Variants in NRCAM observed in about 807,000 individuals in gnomAD.
NRCAM encodes neuronal cell adhesion molecule.
NRCAM carries 83 observed loss-of-function variants against 156.5 expected under a neutral mutation model. The observed-to-expected ratio is 0.53, with a 90% CI of 0.44 to 0.64. The LOEUF (loss-of-function observed/expected upper bound fraction) is 0.64, where lower values mean the gene tolerates loss of function less well. NRCAM is among the 30% of genes least tolerant of loss of function. NRCAM has a pLI of 0.00. For missense variants in NRCAM, 1,417 were observed against 1,597.3 expected, an observed-to-expected ratio of 0.89 and a Z score of 1.92; for synonymous variants, 538 against 563.9, an observed-to-expected ratio of 0.95 and a Z score of 0.65.
At chr7:108,153,720 A>T (rs1204279323) in intron 32 of NRCAM, among the ~76,000 whole-genome samples, 1 of 152,168 alleles carries the variant, frequency 6.6e-6, no homozygotes, top group Non-Finnish European at 1.5e-5. Flanking sequence ...GTTAGAATAT[A>T]AAGAGATTTT....
At chr7:108,410,135 T>C (rs1377083221) in intron 1 of NRCAM, among the ~76,000 whole-genome samples, 1 of 152,242 alleles carries the variant, frequency 6.6e-6, no homozygotes, top group Non-Finnish European at 1.5e-5. Flanking sequence ...TTAGTACAAC[T>C]GCTGCAACTG....
intron 3 of NRCAM, among the ~76,000 whole-genome samples, chr7:108,272,363 T>C (rs904800947): frequency 1.3e-5 from 2 of 152,222 alleles, no homozygotes. Flanking sequence ...GGGCAGTAAC[T>C]GCTCTTTGCT....
chr7:108,297,612 C>T (rs1269229258), intron 3 of NRCAM, among the ~76,000 whole-genome samples: 2 of 152,006 alleles, frequency 1.3e-5, no homozygotes, highest in African/African-American at 2.4e-5. Context: ...TGCTGGGATA[C>T]ATTCATGAAC....
chr7:108,313,690 A>G (rs964619902), intron 2 of NRCAM, among the ~76,000 whole-genome samples: 1 of 152,212 alleles, frequency 6.6e-6, no homozygotes, highest in Non-Finnish European at 1.5e-5. Flanking sequence ...ATAGATTTTC[A>G]TTGCATGTGA....
rs188100296 is a variant in NRCAM, at chr7:108,178,293, T to C, written c.2852-181A>G. ...CACCCATTTAGTTATTCTCTTCCTT[T>C]TTCTCTCTTGTCATTTACATTTATA... On this transcript the variant is annotated intron_variant, in intron 25 of 32. Transcript: ENST00000379028. 62 of 570,782 alleles carry C rather than the reference T, an allele frequency of 1.1e-4. No homozygotes were observed. In the East Asian group the frequency reaches 1.8e-3, roughly 17 times the overall value. 35.4% of individuals were successfully genotyped at this position (570,782 alleles called of 1,614,324 possible).
intron 7 of NRCAM, 35 bp from the exon 8 acceptor site, chr7:108,231,188 T>TG: frequency 6.6e-7 from 1 of 1,514,382 alleles, no homozygotes; most frequent in South Asian, 1.3e-5. Context: ...CAGTTATTTC[T>TG]GCATTGAAAA....
intron 3 of NRCAM, among the ~76,000 whole-genome samples, chr7:108,281,465 C>T (rs1199802424): frequency 6.6e-6 from 1 of 152,110 alleles, no homozygotes; most frequent in South Asian, 2.1e-4. Flanking sequence ...GCATGACGTG[C>T]TATGAGAGTT....
intron 11 of NRCAM, among the ~76,000 whole-genome samples, chr7:108,220,823 G>A (rs1472245758): frequency 6.6e-6 from 1 of 152,134 alleles, no homozygotes; most frequent in East Asian, 1.9e-4. Context: ...GAAAGCAAAT[G>A]CAATAAAAAC....
At chr7:108,167,456 GT>G (rs72137404) in intron 29 of NRCAM, among the ~76,000 whole-genome samples, 30,742 of 152,032 alleles carry the variant, frequency 0.2, 5,941 homozygotes, top group African/African-American at 0.51. Context: ...GGGAAGAATT[GT>G]TTTTTTATGA....
chr7:108,446,753 A>G (rs1222086747), intron 1 of NRCAM, among the ~76,000 whole-genome samples: 2 of 140,696 alleles, frequency 1.4e-5, no homozygotes, highest in African/African-American at 2.7e-5. Context: ...TTTGAGATGG[A>G]GTCTCGCTGT....
intron 2 of NRCAM, among the ~76,000 whole-genome samples, chr7:108,324,371 T>C (rs1320569301): frequency 6.6e-6 from 1 of 152,152 alleles, no homozygotes; most frequent in African/African-American, 2.4e-5. Context: ...CCTAACAAAC[T>C]TTTTTCCTTT....
chr7:108,383,773 A>C (rs1391911802), intron 2 of NRCAM, among the ~76,000 whole-genome samples: 1 of 152,196 alleles, frequency 6.6e-6, no homozygotes, highest in South Asian at 2.1e-4. Context: ...GGGGAAATAT[A>C]AGAAATAAAA....
rs2040101647 is a variant in NRCAM, at chr7:108,149,385, C to G, written c.*525G>C. On this transcript the variant is annotated 3_prime_UTR_variant, in exon 33 of 33. Transcript: ENST00000379028. Reference sequence around the variant, plus strand: ...TATATACTGTACAAACTGTTCCTAACAGTCTCCCAAAAAGACTAACGACAG... The same window carrying G: ...TATATACTGTACAAACTGTTCCTAAGAGTCTCCCAAAAAGACTAACGACAG... 1 of 156,906 alleles carries G rather than the reference C, an allele frequency of 6.4e-6. No homozygotes were observed. Among genetic ancestry groups the G allele is most frequent in the South Asian group, 1.9e-4 (1 of 5,130 alleles). The allele number at this position is 156,906 out of a possible 1,614,324, so 9.7% of individuals were successfully genotyped here. A position where few individuals can be genotyped will look rare whatever the true frequency, so the allele number is the denominator to read the frequency against.
rs1009883638 is a variant in NRCAM at position 108,197,948 on chromosome 7, G to C, written c.1351+8C>G. 1.3e-6 allele frequency: 2 copies of C among 1,550,736 alleles called. No individual in the cohort carries two copies. ...ATTTGCCATGTCTTTAATAAAATGA[G>C]AGCTTACCCAGCACATTTACAAATG... is the stretch of plus-strand genomic sequence containing the variant. On this transcript the variant is annotated splice_region_variant and intron_variant, in intron 14 of 32. Transcript: ENST00000379028.
chr7:108,449,783 T>C (rs936114809), intron 1 of NRCAM, among the ~76,000 whole-genome samples: 1 of 152,210 alleles, frequency 6.6e-6, no homozygotes, highest in African/African-American at 2.4e-5. Context: ...CACTACATGC[T>C]GAATACTCAT....
chr7:108,447,561 C>T (rs7788770), intron 1 of NRCAM, among the ~76,000 whole-genome samples: 37,480 of 137,916 alleles, frequency 0.27, 4,945 homozygotes, highest in Non-Finnish European at 0.32. Context: ...TGAGCCACTG[C>T]GCCCGACCAA....
intron 1 of NRCAM, among the ~76,000 whole-genome samples, chr7:108,423,381 T>C (rs1812792411): frequency 6.6e-6 from 1 of 151,874 alleles, no homozygotes; most frequent in Non-Finnish European, 1.5e-5. Context: ...AAGGATCTCT[T>C]AACAAAAGTG....
At chr7:108,349,293 G>A (rs1563377667) in intron 2 of NRCAM, among the ~76,000 whole-genome samples, 1 of 150,764 alleles carries the variant, frequency 6.6e-6, no homozygotes, top group Non-Finnish European at 1.5e-5. Flanking sequence ...TTTTGAGACG[G>A]AGTCTCACTT....
rs571991257 is a variant in NRCAM, at chr7:108,290,488, T to A, written c.-107+22177A>T. On this transcript the variant is annotated intron_variant, in intron 3 of 32. Transcript: ENST00000379028. ...TTTTCCTCAAACATTTAAAAAGGAA[T>A]CATTTAGATCCTTAAAAAGTTGAAT... Among the ~76,000 whole-genome samples the A allele has an allele frequency of 2.6e-5, 4 of 152,254 alleles. No individual in the cohort carries two copies. The South Asian group carries it at 8.3e-4, about 32-fold the overall frequency.
Sources: gnomAD v4.1 joint callset for allele counts (sites outside exome capture counted in the v4.1 genomes callset) on GRCh38, gnomAD v4.1.1 for gene constraint, MANE v1.5 for transcripts, NCBI Gene and HGNC (gene_info 2026-07-23, HGNC 2026-07-21) for gene names.